NEBL: variants seen among roughly 807,000 people sequenced by gnomAD.
NEBL encodes nebulette.
In NEBL, 122 loss-of-function variants were observed where a neutral mutation model predicts 140.2. The ratio of observed to expected loss-of-function variants is 0.87; its 90% CI spans 0.75 to 1.01. NEBL has a LOEUF of 1.01. NEBL is among the 50% of genes least tolerant of loss of function. NEBL has a pLI of 0.00. For missense variants in NEBL, 1,365 were observed against 1,231.3 expected, an observed-to-expected ratio of 1.11 and a Z score of -1.62; for synonymous variants, 436 against 398.9, an observed-to-expected ratio of 1.09 and a Z score of -1.11.
At chr10:21,120,178 T>C (rs1838468927) in intron 2 of NEBL, among the ~76,000 whole-genome samples, 1 of 151,426 alleles carries the variant, frequency 6.6e-6, no homozygotes, top group Non-Finnish European at 1.5e-5. Context: ...GAAACCAGCC[T>C]GGCCTGGGCA....
chr10:21,206,258 G>A (rs1841823176), intron 3 of NEBL, among the ~76,000 whole-genome samples: 2 of 152,174 alleles, frequency 1.3e-5, no homozygotes, highest in South Asian at 2.1e-4. Context: ...AGGAGCTCTG[G>A]CAGAAGAATT....
At chr10:20,839,194 C>T (rs1363878887) in intron 13 of NEBL, among the ~76,000 whole-genome samples, 1 of 152,136 alleles carries the variant, frequency 6.6e-6, no homozygotes, top group African/African-American at 2.4e-5. Flanking sequence ...TAATGCTGCT[C>T]CTGCCGCCAT....
At chr10:21,100,294 CTG>C (rs1837416876) in intron 2 of NEBL, among the ~76,000 whole-genome samples, 1 of 152,228 alleles carries the variant, frequency 6.6e-6, no homozygotes, top group African/African-American at 2.4e-5. Context: ...GTGCTGTTGA[CTG>C]TGTTTCTTTC....
chr10:20,875,582 T>G (rs943016950), intron 5 of NEBL, among the ~76,000 whole-genome samples: 3 of 152,198 alleles, frequency 2.0e-5, no homozygotes, highest in Admixed American at 1.3e-4. Flanking sequence ...TTTGAGACTC[T>G]CTGGTAGGTG....
At chr10:21,084,617 A>C (rs188327840) in intron 2 of NEBL, among the ~76,000 whole-genome samples, 1 of 152,290 alleles carries the variant, frequency 6.6e-6, no homozygotes, top group Admixed American at 6.5e-5. Flanking sequence ...TAAAAAAATA[A>C]AAATAAAAAA....
chr10:20,937,441 G>A (rs1834551163), intron 4 of NEBL, among the ~76,000 whole-genome samples: 1 of 152,124 alleles, frequency 6.6e-6, no homozygotes, highest in Non-Finnish European at 1.5e-5. Context: ...CACTTCAAAA[G>A]TTGAAAGAGC....
chr10:21,115,686 T>C (rs1233031829), intron 2 of NEBL, among the ~76,000 whole-genome samples: 1 of 152,066 alleles, frequency 6.6e-6, no homozygotes, highest in Non-Finnish European at 1.5e-5. Context: ...CTTGGTGTAG[T>C]TTTTTTCACT....
rs1240202260 is a variant in NEBL at position 21,106,410 on chromosome 10, C to A, written c.164+65973G>T. On this transcript the variant is annotated intron_variant, in intron 2 of 6. Transcript: ENST00000417816. ...GTTTCAGCTTTCTACACGTGGCTAG[C>A]CAGTTTTCCCAGCAGCATTTATTAA... is the stretch of plus-strand genomic sequence containing the variant. Among the ~76,000 whole-genome samples the A allele has an allele frequency of 2.0e-5, 3 of 152,022 alleles. No individual in the cohort carries two copies. In the East Asian group the frequency reaches 5.8e-4, roughly 29 times the overall value.
chr10:21,244,545 G>A (rs1030625429), intron 3 of NEBL, among the ~76,000 whole-genome samples: 42 of 151,564 alleles, frequency 2.8e-4, no homozygotes, highest in Admixed American at 2.5e-3. Flanking sequence ...CCAGCTGCTT[G>A]GAAGGCTGAG....
At chr10:20,787,891 G>GGAGT (rs1211023349) in intron 26 of NEBL, among the ~76,000 whole-genome samples, 6 of 152,162 alleles carry the variant, frequency 3.9e-5, no homozygotes, top group African/African-American at 1.4e-4. Flanking sequence ...GTTTTATGAA[G>GGAGT]GAGTGATATT....
At chr10:21,068,764 T>C (rs79386070) in intron 2 of NEBL, among the ~76,000 whole-genome samples, 4 of 152,364 alleles carry the variant, frequency 2.6e-5, no homozygotes, top group African/African-American at 9.6e-5. Flanking sequence ...GAAGGAAAGC[T>C]TGAATATCTA....
At chr10:20,886,343 C>T (rs963549289) in intron 4 of NEBL, among the ~76,000 whole-genome samples, 3 of 151,402 alleles carry the variant, frequency 2.0e-5, no homozygotes, top group Admixed American at 2.0e-4. Flanking sequence ...GCCAACATGG[C>T]GAGACCCCGT....
At chr10:21,181,487 A>G (rs1841386898) in intron 3 of NEBL, among the ~76,000 whole-genome samples, 1 of 152,150 alleles carries the variant, frequency 6.6e-6, no homozygotes, top group Non-Finnish European at 1.5e-5. Context: ...CCCAGGAAAA[A>G]CTGAACAACC....
At chr10:20,789,284 T>C (rs1028813757) in intron 26 of NEBL, among the ~76,000 whole-genome samples, 1 of 152,246 alleles carries the variant, frequency 6.6e-6, no homozygotes, top group African/African-American at 2.4e-5. Flanking sequence ...AACATCTCTG[T>C]AAATTTATAA....
At chr10:20,901,640 T>C (rs893543679), upstream of NEBL, among the ~76,000 whole-genome samples, 1 of 152,226 alleles carries the variant, frequency 6.6e-6, no homozygotes, top group Non-Finnish European at 1.5e-5. Flanking sequence ...ATTCAACATT[T>C]CTTATTATAA....
Position 20,814,238 on chromosome 10 carries a change from T to A in NEBL, c.2242-195A>T, listed in dbSNP as rs71578961. ...AAAGATCTCCTCCACCGCCTACTGC[T>A]AAATGACCTAAATCTATCAACTCTA... On this transcript the variant is annotated intron_variant, in intron 22 of 27. Transcript: ENST00000377122. 3.1e-3 allele frequency among the ~76,000 whole-genome samples: 476 copies of A among 152,214 alleles called. 12 individuals carry two copies. The East Asian group carries it at 0.08, about 26-fold the overall frequency.
intron 6 of NEBL, 105 bp downstream of exon 6, chr10:20,869,635 G>T: frequency 1.3e-6 from 1 of 771,906 alleles, no homozygotes; most frequent in South Asian, 1.4e-5. Flanking sequence ...CATTTATATT[G>T]ATTAGTTACA....
chr10:21,206,968 C>CTTTTTTTTTTTT (rs1028716031), intron 3 of NEBL, among the ~76,000 whole-genome samples: 2 of 99,138 alleles, frequency 2.0e-5, no homozygotes, highest in African/African-American at 4.0e-5. Flanking sequence ...CTTTTTCTTT[C>CTTTTTTTTTTTT]TTTTTTTTTT....
At chr10:21,023,884 T>C (rs528928806) in intron 2 of NEBL, among the ~76,000 whole-genome samples, 1 of 152,262 alleles carries the variant, frequency 6.6e-6, no homozygotes, top group African/African-American at 2.4e-5. Context: ...TGAACTTCAC[T>C]TGCTGCCCAT....
Sources: gnomAD v4.1 joint callset for allele counts (sites outside exome capture counted in the v4.1 genomes callset) on GRCh38, gnomAD v4.1.1 for gene constraint, MANE v1.5 for transcripts, NCBI Gene and HGNC (gene_info 2026-07-23, HGNC 2026-07-21) for gene names.